HTR3A: variants seen among roughly 807,000 people sequenced by gnomAD.
HTR3A encodes 5-hydroxytryptamine receptor 3A.
A neutral mutation model predicts 54.8 loss-of-function variants in HTR3A; 45 were observed. The observed-to-expected ratio is 0.82, with a 90% CI of 0.65 to 1.05. The LOEUF (loss-of-function observed/expected upper bound fraction) is 1.05. Among genes scored for constraint, HTR3A ranks in the 50% least tolerant of loss-of-function variants. The pLI, the probability that HTR3A is intolerant of heterozygous loss-of-function variation, is 0.00. For synonymous variants in HTR3A, 297 were observed against 256.0 expected (o/e 1.16, Z -1.53); for missense variants, 657 against 614.0 (o/e 1.07, Z -0.74).
intron 8 of HTR3A, 100 bp downstream of exon 8, chr11:113,987,146 C>T (rs1364302524): frequency 8.1e-7 from 1 of 1,239,266 alleles, no homozygotes; most frequent in African/African-American, 1.5e-5. Flanking sequence ...AGGTGCTGTA[C>T]TGCACATGGC....
Position 113,990,073 on chromosome 11 carries a change from CT to C in HTR3A, c.*314del. On this transcript the variant is annotated 3_prime_UTR_variant, in exon 9 of 9. Transcript: ENST00000504030. ...TCCCTAAGTCCACTCTAGTTGTGGA[CT>C]TTTCCCCATTGACCCTCACCTGAAT... The C allele has an allele frequency of 3.6e-6, 2 of 557,800 alleles. No homozygotes were observed. The highest frequency in any genetic ancestry group is 3.4e-6 in the Non-Finnish European group (1 of 294,986). The allele number at this position is 557,800 out of a possible 1,614,324, so 34.6% of individuals were successfully genotyped here. A position where few individuals can be genotyped will look rare whatever the true frequency, so the allele number is the denominator to read the frequency against.
intron 3 of HTR3A, among the ~76,000 whole-genome samples, chr11:113,980,724 T>C (rs375809573): frequency 3.3e-5 from 5 of 152,218 alleles, no homozygotes; most frequent in Non-Finnish European, 5.9e-5. Flanking sequence ...CTAAAGGCAA[T>C]GGGGCACCCC....
At position 113,975,921 on chromosome 11, in the gene HTR3A, C is replaced by T. The variant is rs867017084; in HGVS notation, c.67+529C>T. On this transcript the variant is annotated intron_variant, in intron 1 of 8. Coordinates refer to ENST00000504030, the MANE Select transcript of HTR3A (RefSeq NM_000869.6). ...TGCATGAGTTCGTTCTCTGGGCCTGCGGTTCCCCAAGTTCCTTTCCAGGAC... is the reference window on the plus strand; with the variant it reads ...TGCATGAGTTCGTTCTCTGGGCCTGTGGTTCCCCAAGTTCCTTTCCAGGAC... 7.2e-5 allele frequency among the ~76,000 whole-genome samples: 11 copies of T among 152,280 alleles called. No homozygotes were observed. In the South Asian group the frequency reaches 1.9e-3, roughly 26 times the overall value.
rs530546644 is a variant in HTR3A at position 113,983,109 on chromosome 11, T to A, written c.375-11T>A. 3.7e-6 allele frequency: 6 copies of A among 1,613,928 alleles called. No homozygotes were observed. Among genetic ancestry groups the A allele is most frequent in the Non-Finnish European group, 5.1e-6 (6 of 1,180,004 alleles). The stretch of plus-strand genomic sequence containing the variant: ...CTTGAGCTCCCAAACTAACCCCTTT[T>A]CCCCCGCCAGCGTGGATGTGGGGAA... On this transcript the variant is annotated splice_polypyrimidine_tract_variant and intron_variant, in intron 4 of 8. Coordinates refer to ENST00000504030, the MANE Select transcript of HTR3A (RefSeq NM_000869.6).
rs1362244127 is a variant in HTR3A, at chr11:113,989,735, T to C, written c.1409T>C (p.Met470Thr). The change falls in exon 9 of 9, where the codon ATG becomes ACG. Residue 470 changes from methionine (M) to threonine (T), a missense_variant. Met to Thr is a moderately conservative substitution (Grantham distance 81). Transcript: ENST00000504030. This position sits in a 1 kb window ranked among gnomAD's most constrained non-coding sequence, Gnocchi z 4.4. ...CTGGCCTACAGCATCACCCTGGTTA[T>C]GCTCTGGTCCATCTGGCAGTACGCT... ...AVLAYSITLVMLWSIWQYA is the reference protein window; with the variant it reads ...AVLAYSITLVTLWSIWQYA 1.9e-6 allele frequency: 3 copies of C among 1,612,626 alleles called. No individual in the cohort carries two copies. In the African/African-American group the frequency reaches 4.0e-5, roughly 22 times the overall value.
rs1271732733 is a variant in HTR3A at position 113,986,941 on chromosome 11, C to A, written c.1033C>A (p.His345Asn). ...GCAGCCCGTGCCTGCTTGGCTGCGT[C>A]ACCTGGTTCTGGAGAGAATCGCCTG... is the stretch of plus-strand genomic sequence containing the variant. Reference protein sequence around the residue: ...LQQPVPAWLRHLVLERIAWLL... With the variant: ...LQQPVPAWLRNLVLERIAWLL... Residue 345 changes from histidine to asparagine, a missense_variant, in exon 8 of 9, where the codon CAC becomes AAC. By Grantham distance (68) the His-to-Asn change is moderately conservative. Coordinates refer to ENST00000504030, the MANE Select transcript of HTR3A (RefSeq NM_000869.6). The A allele has an allele frequency of 6.2e-7, 1 of 1,614,078 alleles. No individual in the cohort carries two copies. The highest frequency in any genetic ancestry group is 1.3e-5 in the African/African-American group (1 of 74,926).
chr11:113,989,733 T>A lies in HTR3A; in HGVS notation c.1407T>A (p.Val469=). ...LAVLAYSITL[V]MLWSIWQYA is the part of the protein sequence containing the mutation. Reference sequence around the variant, plus strand: ...TGCTGGCCTACAGCATCACCCTGGTTATGCTCTGGTCCATCTGGCAGTACG... The same window carrying A: ...TGCTGGCCTACAGCATCACCCTGGTAATGCTCTGGTCCATCTGGCAGTACG... The change falls in exon 9 of 9, where the codon GTT becomes GTA. Residue 469 remains valine, a synonymous_variant. Coordinates refer to ENST00000504030, the MANE Select transcript of HTR3A (RefSeq NM_000869.6). The surrounding 1 kb of genome is among the most constrained non-coding windows in gnomAD (Gnocchi z 4.4). 1 of 1,612,766 alleles carries A rather than the reference T, an allele frequency of 6.2e-7. No homozygotes were observed. The highest frequency in any genetic ancestry group is 8.5e-7 in the Non-Finnish European group (1 of 1,180,010).
rs533435577 is a variant in HTR3A at position 113,990,190 on chromosome 11, G to A, written c.*427G>A. 3.7e-5 allele frequency: 17 copies of A among 456,864 alleles called. No homozygotes were observed. Among genetic ancestry groups the A allele is most frequent in the Non-Finnish European group, 7.4e-5 (17 of 228,920 alleles). The allele number at this position is 456,864 out of a possible 1,614,324, so 28.3% of individuals were successfully genotyped here. On this transcript the variant is annotated 3_prime_UTR_variant, in exon 9 of 9. Transcript: ENST00000504030. The stretch of plus-strand genomic sequence containing the variant: ...TCTACTACACAGGCCTGATAACTCT[G>A]TACGAGGCTTCTCTAACCCCTAGTG...
At chr11:113,978,873 CA>C (rs559428544) in intron 2 of HTR3A, among the ~76,000 whole-genome samples, 42 of 152,092 alleles carry the variant, frequency 2.8e-4, no homozygotes, top group Non-Finnish European at 5.3e-4. Flanking sequence ...CCTGTAGTCC[CA>C]GCAACTCAGG....
rs1977039 is a variant in HTR3A at position 113,977,396 on chromosome 11, C to A, written c.68-375C>A. 6,274 of 656,894 alleles carry A rather than the reference C, an allele frequency of 9.6e-3. 291 individuals carry two copies. In the African/African-American group the frequency reaches 0.097, roughly 10 times the overall value. The allele number at this position is 656,894 out of a possible 1,614,324, so 40.7% of individuals were successfully genotyped here. Reference sequence around the variant, plus strand: ...CTTGCAACCCTCTTGCTTTTAGTATCATACCCTGAGAGCCAGCTTCCTTGT... The same window carrying A: ...CTTGCAACCCTCTTGCTTTTAGTATAATACCCTGAGAGCCAGCTTCCTTGT... On this transcript the variant is annotated intron_variant, in intron 1 of 8. Transcript: ENST00000504030.
Position 113,983,287 on chromosome 11 carries a change from C to G in HTR3A, c.542C>G (p.Thr181Ser). 6.2e-7 allele frequency: 1 copy of G among 1,613,994 alleles called. No homozygotes were observed. Among genetic ancestry groups the G allele is most frequent in the Non-Finnish European group, 8.5e-7 (1 of 1,180,020 alleles). Reference protein sequence around the residue: ...CSLTFTSWLHTIQDINISLWR... With the variant: ...CSLTFTSWLHSIQDINISLWR... ...CTGACCTTCACCAGTTGGCTGCACA[C>G]CAGTGAGTATGTGGGCTTCGCCGGG... Residue 181 changes from threonine (T) to serine (S), a missense_variant and splice_region_variant, in exon 5 of 9, where the codon ACC becomes AGC. Coordinates refer to ENST00000504030, the MANE Select transcript of HTR3A (RefSeq NM_000869.6).
chr11:113,977,001 G>A lies in HTR3A; in HGVS notation c.68-770G>A, dbSNP rs375099530. On this transcript the variant is annotated intron_variant, in intron 1 of 8. Coordinates refer to ENST00000504030, the MANE Select transcript of HTR3A (RefSeq NM_000869.6). ...CAGGAGCTGGGCTGTCTCATTACTG[G>A]TTTGTCCCCATAGGCCACCTACCCC... Among the ~76,000 whole-genome samples the A allele has an allele frequency of 3.3e-5, 5 of 152,120 alleles. No individual in the cohort carries two copies. The East Asian group carries it at 7.8e-4, about 24-fold the overall frequency.
At chr11:113,986,416 G>A in intron 6 of HTR3A, 102 bp from the exon 7 acceptor site, 1 of 1,382,436 alleles carries the variant, frequency 7.2e-7, no homozygotes, top group South Asian at 1.2e-5. Flanking sequence ...GAGCAATCCA[G>A]GCTGGAAGCC....
At chr11:113,977,441 C>T in intron 1 of HTR3A, 1 of 1,098,266 alleles carries the variant, frequency 9.1e-7, no homozygotes, top group South Asian at 1.4e-5. Flanking sequence ...GAGGCCCTCG[C>T]TTAGGCCCCG....
At chr11:113,983,030 C>T (rs2034378236) in intron 4 of HTR3A, 90 bp from the exon 5 acceptor site, 1 of 1,493,130 alleles carries the variant, frequency 6.7e-7, no homozygotes, top group South Asian at 1.1e-5. Flanking sequence ...CCCCGAACTT[C>T]ACTCCCTACC....
At chr11:113,985,941 G>T in intron 5 of HTR3A, 74 bp from the exon 6 acceptor site, 4 of 1,534,240 alleles carry the variant, frequency 2.6e-6, no homozygotes, top group Non-Finnish European at 3.6e-6. Context: ...CTGCCCACCT[G>T]TGTCCCATCA....
At chr11:113,975,543 A>C in intron 1 of HTR3A, 151 bp downstream of exon 1, 1 of 694,616 alleles carries the variant, frequency 1.4e-6, no homozygotes, top group Admixed American at 2.1e-5. Flanking sequence ...TGAGCATGAC[A>C]GCATTTGAGG....
chr11:113,978,432 A>G (rs150197380), intron 2 of HTR3A, among the ~76,000 whole-genome samples: 3 of 152,338 alleles, frequency 2.0e-5, no homozygotes, highest in African/African-American at 4.8e-5. Flanking sequence ...GCAGAGATGC[A>G]GTGGCTCTGT....
chr11:113,983,499 T>G (rs546292074), intron 5 of HTR3A, among the ~76,000 whole-genome samples: 1 of 152,352 alleles, frequency 6.6e-6, no homozygotes, highest in East Asian at 1.9e-4. Flanking sequence ...AAACTTCATA[T>G]AGCACAGTAT....
Sources: allele counts gnomAD v4.1 joint callset (sites outside exome capture counted in the v4.1 genomes callset), GRCh38; gene constraint gnomAD v4.1.1; non-coding constraint Gnocchi (gnomAD v3.1); transcripts MANE v1.5; gene names NCBI Gene and HGNC (gene_info 2026-07-23, HGNC 2026-07-21).